NRG4: variants seen among roughly 807,000 people sequenced by gnomAD.
The protein encoded by NRG4 is pro-neuregulin-4, membrane-bound isoform.
Under a neutral mutation model 15.0 loss-of-function variants are expected in NRG4, and 10 were observed. The ratio of observed to expected loss-of-function variants is 0.67; its 90% CI spans 0.41 to 1.13. The LOEUF (loss-of-function observed/expected upper bound fraction) is 1.13, where lower values mean the gene tolerates loss of function less well. Among genes scored for constraint, NRG4 ranks in the 50% most tolerant of loss-of-function variants. The pLI, the probability that NRG4 is intolerant of heterozygous loss-of-function variation, is 0.00. For missense variants in NRG4, 139 were observed against 140.2 expected (o/e 0.99, Z 0.04); for synonymous variants, 41 against 50.1 (o/e 0.82, Z 0.77).
chr15:75,961,924 C>T lies in NRG4; in HGVS notation c.155G>A (p.Gly52Asp). The T allele has an allele frequency of 6.2e-7, 1 of 1,613,488 alleles. No individual in the cohort carries two copies. Among genetic ancestry groups the T allele is most frequent in the South Asian group, 1.1e-5 (1 of 91,050 alleles). The change falls in exon 4 of 6, where the codon GGC becomes GAC. Residue 52 changes from glycine (G) to aspartate (D), a missense_variant. Coordinates refer to ENST00000394907, the MANE Select transcript of NRG4 (RefSeq NM_138573.4). ...GARCEEVFLP[G>D]SSIQTKSNLF... ...GTTACTTTTAGTTTGGATGCTGGAG[C>T]CTGGGAGAAAAACCTCTTCACAACG... is the stretch of plus-strand genomic sequence containing the variant.
intron 4 of NRG4, among the ~76,000 whole-genome samples, chr15:76,036,545 C>T (rs575241653): frequency 2.0e-5 from 3 of 152,272 alleles, no homozygotes; most frequent in South Asian, 2.1e-4. Flanking sequence ...GAATGTTGCA[C>T]CCTATAATGG....
intron 3 of NRG4, among the ~76,000 whole-genome samples, chr15:76,000,622 C>T (rs1199180098): frequency 2.6e-5 from 4 of 152,166 alleles, no homozygotes; most frequent in East Asian, 3.8e-4. Context: ...ATTGAAGTTA[C>T]AAATGCATTT....
At chr15:76,017,221 G>C (rs929705935), upstream of NRG4, among the ~76,000 whole-genome samples, 4 of 75,294 alleles carry the variant, frequency 5.3e-5, no homozygotes, top group Non-Finnish European at 7.7e-5. Context: ...CCTTTATTTT[G>C]AGCGTGTGTT....
chr15:76,012,207 A>G (rs1307445850), intron 1 of NRG4, 112 bp downstream of exon 1: 1 of 152,152 alleles, frequency 6.6e-6, no homozygotes, highest in Non-Finnish European at 1.5e-5. Flanking sequence ...AACACACACG[A>G]GCGAGAACAG....
At chr15:76,052,830 T>C (rs999986381) in intron 3 of NRG4, 2 of 151,076 alleles carry the variant, frequency 1.3e-5, no homozygotes, top group African/African-American at 4.9e-5. Context: ...AATGCAACAA[T>C]CAATTATTCA....
At chr15:76,022,938 A>G (rs1252564668) in intron 5 of NRG4, among the ~76,000 whole-genome samples, 1 of 152,140 alleles carries the variant, frequency 6.6e-6, no homozygotes, top group African/African-American at 2.4e-5. Context: ...ACAAAGAGAA[A>G]GATAATTAAA....
intron 1 of NRG4, 64 bp from the exon 2 acceptor site, chr15:76,011,350 G>T: frequency 2.4e-6 from 2 of 823,454 alleles, no homozygotes; most frequent in East Asian, 3.1e-5. Flanking sequence ...ATTATAAAAT[G>T]TCAAATATTC....
intron 5 of NRG4, among the ~76,000 whole-genome samples, chr15:76,029,118 T>C (rs1280879839): frequency 6.6e-6 from 1 of 152,154 alleles, no homozygotes; most frequent in Non-Finnish European, 1.5e-5. Context: ...GTGGGATTTA[T>C]GTCAGGAATG....
At chr15:75,948,017 G>T (rs1371973689) in intron 5 of NRG4, among the ~76,000 whole-genome samples, 2 of 152,138 alleles carry the variant, frequency 1.3e-5, no homozygotes, top group Admixed American at 6.5e-5. Context: ...TCTACTTGTT[G>T]TAATTGAGTT....
chr15:75,943,693 T>C, intron 5 of NRG4, 39 bp from the exon 6 acceptor site: 1 of 1,428,526 alleles, frequency 7.0e-7, no homozygotes, highest in Non-Finnish European at 9.9e-7. Context: ...CTTTCTCCAT[T>C]GCAATGTTTC....
At chr15:76,021,380 A>T (rs2035148869) in intron 5 of NRG4, among the ~76,000 whole-genome samples, 1 of 152,252 alleles carries the variant, frequency 6.6e-6, no homozygotes, top group Admixed American at 6.5e-5. Flanking sequence ...TTTAGACATA[A>T]TGCTACTGCA....
At chr15:75,971,436 T>A (rs1357248421) in intron 3 of NRG4, among the ~76,000 whole-genome samples, 1 of 152,200 alleles carries the variant, frequency 6.6e-6, no homozygotes, top group Non-Finnish European at 1.5e-5. Flanking sequence ...AGAACACCTC[T>A]TTGATTTTGG....
chr15:75,958,905 C>T (rs1384143832), intron 4 of NRG4: 1 of 186,768 alleles, frequency 5.4e-6, no homozygotes, highest in African/African-American at 2.4e-5. Context: ...CTATGCCCTT[C>T]ACAAACTCAA....
At chr15:75,990,682 TTG>T (rs1450793388) in intron 3 of NRG4, among the ~76,000 whole-genome samples, 10 of 147,502 alleles carry the variant, frequency 6.8e-5, no homozygotes, top group African/African-American at 1.5e-4. Flanking sequence ...TTTTTTTTTT[TTG>T]TTTTTTTTTT....
downstream of NRG4, chr15:75,940,081 T>C (rs10444856): frequency 0.46 from 68,541 of 149,758 alleles, 16,546 homozygotes; most frequent in South Asian, 0.7. Flanking sequence ...ACAAATGATA[T>C]GATCTTTAGA....
intron 5 of NRG4, among the ~76,000 whole-genome samples, chr15:75,946,488 G>A (rs924468682): frequency 2.0e-5 from 3 of 152,158 alleles, no homozygotes; most frequent in Non-Finnish European, 4.4e-5. Context: ...CTCCCAAGTA[G>A]CTGGGACTAC....
chr15:75,996,120 T>C (rs1483278460), intron 3 of NRG4, among the ~76,000 whole-genome samples: 1 of 152,198 alleles, frequency 6.6e-6, no homozygotes, highest in African/African-American at 2.4e-5. Flanking sequence ...GTCAGTTATA[T>C]ATCATCATAC....
intron 4 of NRG4, among the ~76,000 whole-genome samples, chr15:76,044,790 G>A (rs1191350974): frequency 2.1e-5 from 3 of 146,120 alleles, no homozygotes; most frequent in Admixed American, 6.8e-5. Context: ...GTAGTGAGCC[G>A]AGATCATACC....
chr15:76,028,960 C>T (rs994648651), intron 5 of NRG4, among the ~76,000 whole-genome samples: 18 of 145,210 alleles, frequency 1.2e-4, no homozygotes, highest in Admixed American at 4.8e-4. Flanking sequence ...TGATATCCCA[C>T]ATAACTGTGA....
Sources: allele counts gnomAD v4.1 joint callset (sites outside exome capture counted in the v4.1 genomes callset), GRCh38; gene constraint gnomAD v4.1.1; transcripts MANE v1.5; gene names NCBI Gene and HGNC (gene_info 2026-07-23, HGNC 2026-07-21).